The following ITGA4 variants were observed in gnomAD, a reference collection of about 807,000 sequenced individuals.
ITGA4 encodes integrin alpha-4.
In ITGA4, 63 loss-of-function variants were observed where a neutral mutation model predicts 133.6. The ratio of observed to expected loss-of-function variants is 0.47; its 90% confidence interval spans 0.38 to 0.58. The LOEUF is 0.58. ITGA4 is among the 20% of genes least tolerant of loss of function. The pLI is 0.00. For synonymous variants in ITGA4, 483 were observed against 438.0 expected, an observed-to-expected ratio of 1.10 and a Z score of -1.28; for missense variants, 1,076 against 1,252.7, an observed-to-expected ratio of 0.86 and a Z score of 2.13.
chr2:181,494,706 C>G lies in ITGA4; in HGVS notation c.1249-16C>G. 1 of 1,433,794 alleles carries G rather than the reference C, an allele frequency of 7.0e-7. No homozygotes were observed. Among genetic ancestry groups the G allele is most frequent in the South Asian group, 1.1e-5 (1 of 87,354 alleles). The allele number at this position is 1,433,794 out of a possible 1,614,324, so 88.8% of individuals were successfully genotyped here. A position where few individuals can be genotyped will look rare whatever the true frequency, so the allele number is the denominator to read the frequency against. On this transcript the variant is annotated splice_polypyrimidine_tract_variant and intron_variant, in intron 11 of 27. Coordinates refer to ENST00000397033, the MANE Select transcript of ITGA4 (RefSeq NM_000885.6). ...TATTCAAAAACTACTTCCCACTCAA[C>G]TTTCCTATTTTTCAGAGAATTGAAG...
chr2:181,501,536 G>T (rs921955160), intron 15 of ITGA4, among the ~76,000 whole-genome samples: 4 of 152,168 alleles, frequency 2.6e-5, no homozygotes, highest in African/African-American at 9.7e-5. Flanking sequence ...TTCGACACAT[G>T]GAGAAGAGGC....
intron 17 of ITGA4, among the ~76,000 whole-genome samples, chr2:181,519,320 C>T (rs1400693122): frequency 2.0e-5 from 3 of 152,014 alleles, no homozygotes; most frequent in Admixed American, 6.6e-5. Flanking sequence ...GAAGAAAAAG[C>T]CCCAGAGGGT....
intron 15 of ITGA4, among the ~76,000 whole-genome samples, chr2:181,499,700 T>C (rs555433769): frequency 2.6e-5 from 4 of 152,324 alleles, no homozygotes; most frequent in African/African-American, 9.6e-5. Flanking sequence ...AATAAACCTA[T>C]TAGATGGTTC....
chr2:181,510,771 G>A (rs1313545716), intron 16 of ITGA4, among the ~76,000 whole-genome samples: 3 of 151,958 alleles, frequency 2.0e-5, no homozygotes, highest in Non-Finnish European at 4.4e-5. Flanking sequence ...TTGAACTTCA[G>A]TTGTCAACAT....
intron 2 of ITGA4, among the ~76,000 whole-genome samples, chr2:181,460,133 T>C (rs1467263265): frequency 1.3e-5 from 2 of 152,162 alleles, no homozygotes; most frequent in Non-Finnish European, 2.9e-5. Context: ...AGTAAGATAA[T>C]TGATTAGAAA....
At position 181,537,205 on chromosome 2, in the gene ITGA4, G is replaced by C. The variant is rs200370399; in HGVS notation, c.*1678G>C. ...GATCATAGATGAAAAATCAAGCCCC[G>C]ATTTAGAACTGTCTTCTCCAGGATG... On this transcript the variant is annotated 3_prime_UTR_variant, in exon 28 of 28. Coordinates refer to ENST00000397033, the MANE Select transcript of ITGA4 (RefSeq NM_000885.6). 1.3e-5 allele frequency: 6 copies of C among 452,928 alleles called. No homozygotes were observed. The highest frequency in any genetic ancestry group is 2.7e-5 in the Non-Finnish European group (6 of 226,048). The allele number at this position is 452,928 out of a possible 1,614,324, so 28.1% of individuals were successfully genotyped here.
At chr2:181,509,939 T>A in intron 16 of ITGA4, 132 bp downstream of exon 16, 1 of 625,644 alleles carries the variant, frequency 1.6e-6, no homozygotes, top group Non-Finnish European at 2.7e-6. Flanking sequence ...CAAAAATAGA[T>A]TTATTCATTT....
intron 17 of ITGA4, among the ~76,000 whole-genome samples, chr2:181,512,959 A>T (rs937711705): frequency 1.3e-5 from 2 of 152,132 alleles, no homozygotes; most frequent in African/African-American, 4.8e-5. Flanking sequence ...GGAGGGAGAC[A>T]TCTTCAACTT....
At chr2:181,471,623 G>A (rs1685552897) in intron 2 of ITGA4, among the ~76,000 whole-genome samples, 1 of 152,012 alleles carries the variant, frequency 6.6e-6, no homozygotes, top group Non-Finnish European at 1.5e-5. Flanking sequence ...TATATTAGAA[G>A]GCAACTATTG....
intron 4 of ITGA4, among the ~76,000 whole-genome samples, 199 bp downstream of exon 4, chr2:181,475,487 A>AAT (rs1685654311): frequency 1.3e-5 from 2 of 151,952 alleles, no homozygotes; most frequent in Non-Finnish European, 2.9e-5. Flanking sequence ...TGCTATAAAA[A>AAT]TTCTACAATT....
chr2:181,457,779 T>A lies in ITGA4; in HGVS notation c.125T>A (p.Leu42Gln). 1 of 1,613,702 alleles carries A rather than the reference T, an allele frequency of 6.2e-7. No individual in the cohort carries two copies. Among genetic ancestry groups the A allele is most frequent in the Non-Finnish European group, 8.5e-7 (1 of 1,179,958 alleles). The change falls in exon 1 of 28, where the codon CTG (leucine) becomes CAG (glutamine). Residue 42 changes from leucine to glutamine, a missense_variant. Transcript: ENST00000397033. ...TACAACGTGGACACTGAGAGCGCGCTGCTTTACCAGGGCCCCCACAACACG... is the reference window on the plus strand; with the variant it reads ...TACAACGTGGACACTGAGAGCGCGCAGCTTTACCAGGGCCCCCACAACACG... Reference protein sequence around the residue: ...RPYNVDTESALLYQGPHNTLF... With the variant: ...RPYNVDTESAQLYQGPHNTLF...
intron 4 of ITGA4, chr2:181,476,121 C>G (rs1216060659): frequency 6.8e-6 from 2 of 293,384 alleles, no homozygotes; most frequent in African/African-American, 4.3e-5. Flanking sequence ...CACAGAGCAG[C>G]TTATATTACA....
At chr2:181,512,297 G>A (rs1234667326) in intron 17 of ITGA4, among the ~76,000 whole-genome samples, 1 of 152,042 alleles carries the variant, frequency 6.6e-6, no homozygotes, top group East Asian at 1.9e-4. Context: ...TCAGTGACAG[G>A]GCAGGGAAAC....
intron 10 of ITGA4, among the ~76,000 whole-genome samples, chr2:181,491,146 T>A (rs1686043753): frequency 6.6e-6 from 1 of 152,228 alleles, no homozygotes; most frequent in African/African-American, 2.4e-5. Context: ...GAAAAAAATT[T>A]ATCTGGGCCT....
At chr2:181,513,740 G>C (rs1328300284) in intron 17 of ITGA4, among the ~76,000 whole-genome samples, 1 of 152,128 alleles carries the variant, frequency 6.6e-6, no homozygotes, top group Admixed American at 6.6e-5. Flanking sequence ...GCTGTGCCAT[G>C]CTCTCCTGAA....
rs202036768 is a variant in ITGA4 at position 181,523,479 on chromosome 2, G to A, written c.2116G>A (p.Val706Met). ...CTGTGAAGTCACAGATAACTCTGGC[G>A]TGGTACAACTTGACTGCAGTATTGG... Reference protein sequence around the residue: ...INCEVTDNSGVVQLDCSIGYI... With the variant: ...INCEVTDNSGMVQLDCSIGYI... The change falls in exon 19 of 28, where the codon GTG (valine) becomes ATG (methionine). Residue 706 changes from valine (V) to methionine (M), a missense_variant. Physicochemically the swap from Val to Met is conservative, Grantham distance 21 (BLOSUM62 1). Coordinates refer to ENST00000397033, the MANE Select transcript of ITGA4 (RefSeq NM_000885.6). The surrounding 1 kb of genome is among the most constrained non-coding windows in gnomAD (Gnocchi z 4.2). The A allele has an allele frequency of 2.6e-5, 42 of 1,610,662 alleles. No homozygotes were observed. Among genetic ancestry groups the A allele is most frequent in the East Asian group, 1.6e-4 (7 of 44,772 alleles).
chr2:181,483,417 G>A (rs1001882080), intron 9 of ITGA4, among the ~76,000 whole-genome samples: 18 of 149,850 alleles, frequency 1.2e-4, no homozygotes, highest in Non-Finnish European at 1.5e-5. Flanking sequence ...CTTGTGAGAA[G>A]ACCAGTTCAT....
Position 181,530,602 on chromosome 2 carries a change from T to C in ITGA4, c.2617T>C (p.Leu873=), listed in dbSNP as rs777758591. 1.9e-6 allele frequency: 3 copies of C among 1,613,192 alleles called. No homozygotes were observed. Among genetic ancestry groups the C allele is most frequent in the Admixed American group, 3.3e-5 (2 of 59,988 alleles). ...LEQQKSAMQT[L]KGIVRFLSKT... is the part of the protein sequence containing the mutation. ...GCAGCAAAAGAGTGCAATGCAGACCTTGAAAGGCATAGTCCGGTTCTTGTC... is the reference window on the plus strand; with the variant it reads ...GCAGCAAAAGAGTGCAATGCAGACCCTGAAAGGCATAGTCCGGTTCTTGTC... The change falls in exon 24 of 28, where the codon TTG becomes CTG. Residue 873 remains leucine, a synonymous_variant. Transcript: ENST00000397033.
chr2:181,529,901 C>T (rs1385494850), intron 23 of ITGA4, among the ~76,000 whole-genome samples: 1 of 152,162 alleles, frequency 6.6e-6, no homozygotes, highest in African/African-American at 2.4e-5. Flanking sequence ...CTACCATCTC[C>T]ATTGAATAAT....
Sources: allele counts gnomAD v4.1 joint callset (sites outside exome capture counted in the v4.1 genomes callset), GRCh38; gene constraint gnomAD v4.1.1; non-coding constraint Gnocchi (gnomAD v3.1); transcripts MANE v1.5; gene names NCBI Gene and HGNC (gene_info 2026-07-23, HGNC 2026-07-21).